IL11RA: variants seen among roughly 807,000 people sequenced by gnomAD.
The protein encoded by IL11RA is interleukin-11 receptor subunit alpha.
IL11RA carries 51 observed loss-of-function variants against 57.0 expected under a neutral mutation model. The ratio of observed to expected loss-of-function variants is 0.89; its 90% CI spans 0.71 to 1.13. The LOEUF (loss-of-function observed/expected upper bound fraction) is 1.13. IL11RA is among the 50% of genes most tolerant of loss of function. IL11RA has a pLI of 0.00. For synonymous variants in IL11RA, 199 were observed against 217.5 expected, an observed-to-expected ratio of 0.91 and a Z score of 0.75; for missense variants, 498 against 539.4, an observed-to-expected ratio of 0.92 and a Z score of 0.76.
chr9:34,654,489 C>T (rs1821304451), intron 1 of IL11RA, among the ~76,000 whole-genome samples: 1 of 151,988 alleles, frequency 6.6e-6, no homozygotes, highest in Non-Finnish European at 1.5e-5. Context: ...GGCTCCTCGC[C>T]CACCCCCAGC....
intron 1 of IL11RA, chr9:34,654,994 C>CGTGTGTGT (rs59679449): frequency 1.4e-4 from 68 of 475,456 alleles, no homozygotes; most frequent in African/African-American, 1.0e-3. Context: ...TGTGTGTGTC[C>CGTGTGTGT]GTGTGTGTGT....
At position 34,661,475 on chromosome 9, in the gene IL11RA, C is replaced by A. The variant is rs769632676; in HGVS notation, c.1253-7C>A. On this transcript the variant is annotated splice_polypyrimidine_tract_variant and splice_region_variant and intron_variant, in intron 12 of 12. Transcript: ENST00000441545. ...GTCTCTCCTGATTTGCCTCCTGCTT[C>A]TTCTAGGAGCTCCAAACCTGTAGAG... The A allele has an allele frequency of 1.2e-6, 2 of 1,613,680 alleles. No individual in the cohort carries two copies. The highest frequency in any genetic ancestry group is 4.5e-5 in the East Asian group (2 of 44,874).
At position 34,661,510 on chromosome 9, in the gene IL11RA, G is replaced by A. The variant is rs755540508; in HGVS notation, c.*12G>A. 1.2e-6 allele frequency: 2 copies of A among 1,613,752 alleles called. No individual in the cohort carries two copies. Among genetic ancestry groups the A allele is most frequent in the Admixed American group, 1.7e-5 (1 of 60,024 alleles). ...CTCCAAACCTGTAGAGGACCCAGGA[G>A]GGCTTCGGCAGATTCCACCTATAAT... On this transcript the variant is annotated 3_prime_UTR_variant, in exon 13 of 13. Transcript: ENST00000441545.
Position 34,655,294 on chromosome 9 carries a change from G to T in IL11RA, c.77G>T (p.Cys26Phe), listed in dbSNP as rs1273020414. ...ATALVSASSPCPQAWGPPGVQ... is the reference protein window; with the variant it reads ...ATALVSASSPFPQAWGPPGVQ... ...GCCCTGGTGTCTGCCTCCTCCCCCT[G>T]CCCCCAGGCCTGGGGCCCCCCAGGT... Residue 26 changes from cysteine (C) to phenylalanine (F), a missense_variant, in exon 2 of 13, where the codon TGC (cysteine) becomes TTC (phenylalanine). Coordinates refer to ENST00000441545, the MANE Select transcript of IL11RA (RefSeq NM_001142784.3). 1.9e-6 allele frequency: 3 copies of T among 1,609,412 alleles called. No homozygotes were observed. The highest frequency in any genetic ancestry group is 4.5e-5 in the East Asian group (2 of 44,726).
intron 9 of IL11RA, 142 bp downstream of exon 9, chr9:34,660,042 GC>G (rs1454280226): frequency 1.1e-5 from 14 of 1,261,958 alleles, no homozygotes; most frequent in Middle Eastern, 2.1e-4. Flanking sequence ...AGACTTGTTT[GC>G]CTACAGCCCT....
intron 3 of IL11RA, 64 bp from the exon 4 acceptor site, chr9:34,656,675 T>C (rs1821348435): frequency 1.3e-6 from 2 of 1,574,758 alleles, no homozygotes; most frequent in South Asian, 1.1e-5. Flanking sequence ...TGGAGAGCTG[T>C]GGCATGGTCT....
rs1326272067 is a variant in IL11RA at position 34,656,805 on chromosome 9, G to A, written c.228G>A (p.Gly76=). 1 of 1,614,170 alleles carries A rather than the reference G, an allele frequency of 6.2e-7. No homozygotes were observed. The highest frequency in any genetic ancestry group is 2.2e-5 in the East Asian group (1 of 44,886). The stretch of plus-strand genomic sequence containing the variant: ...TCCAGGGACCTGACTCTGGGCTAGG[G>A]CATGAACTGGTCCTGGCCCAGGCAG... The part of the protein sequence containing the change: ...KLLQGPDSGL[G]HELVLAQADS... The change falls in exon 4 of 13, where the codon GGG becomes GGA. Residue 76 remains glycine (G), a synonymous_variant. Coordinates refer to ENST00000441545, the MANE Select transcript of IL11RA (RefSeq NM_001142784.3).
Position 34,657,342 on chromosome 9 carries a change from C to A in IL11RA, c.479+7C>A. On this transcript the variant is annotated splice_region_variant and intron_variant, in intron 6 of 12. Coordinates refer to ENST00000441545, the MANE Select transcript of IL11RA (RefSeq NM_001142784.3). ...TAGGAGCTGATAGCCAGAGGTAGGA[C>A]GTGAGGGAGCATGTGGGGGCTCCAG... 1 of 1,614,156 alleles carries A rather than the reference C, an allele frequency of 6.2e-7. No homozygotes were observed. Among genetic ancestry groups the A allele is most frequent in the Non-Finnish European group, 8.5e-7 (1 of 1,180,018 alleles).
In IL11RA at chr9:34,657,536, A is replaced by G. The variant is rs1439552444; in HGVS notation, c.595A>G (p.Asn199Asp). The stretch of plus-strand genomic sequence containing the variant: ...GTACCGGATTAATGTGACTGAGGTG[A>G]ACCCACTGGGTGCCAGCACACGCCT... ...SQYRINVTEV[N>D]PLGASTRLLD... The change falls in exon 7 of 13, where the codon AAC (asparagine) becomes GAC (aspartate). Residue 199 changes from asparagine to aspartate, a missense_variant. Coordinates refer to ENST00000441545, the MANE Select transcript of IL11RA (RefSeq NM_001142784.3). 6.2e-7 allele frequency: 1 copy of G among 1,614,170 alleles called. No homozygotes were observed. Among genetic ancestry groups the G allele is most frequent in the Non-Finnish European group, 8.5e-7 (1 of 1,180,028 alleles).
chr9:34,654,808 C>T (rs905179808), intron 1 of IL11RA, among the ~76,000 whole-genome samples: 1 of 152,122 alleles, frequency 6.6e-6, no homozygotes, highest in Admixed American at 6.5e-5. Context: ...GGGTAAATAC[C>T]AGAATTCCCA....
At position 34,658,408 on chromosome 9, in the gene IL11RA, T is replaced by C; in HGVS notation, c.647-112T>C. ...GGATGATCAAGTTTAAGATTTCCCC[T>C]CCCCTCTCAGGAGTGTCTGGCTAAG... On this transcript the variant is annotated intron_variant, in intron 7 of 12. Transcript: ENST00000441545. This position sits in a 1 kb window ranked among gnomAD's most constrained non-coding sequence, Gnocchi z 4.0. 1 of 1,079,414 alleles carries C rather than the reference T, an allele frequency of 9.3e-7. No individual in the cohort carries two copies. The highest frequency in any genetic ancestry group is 1.4e-6 in the Non-Finnish European group (1 of 698,654). 66.9% of individuals were successfully genotyped at this position (1,079,414 alleles called of 1,614,324 possible). A position where few individuals can be genotyped will look rare whatever the true frequency, so the allele number is the denominator to read the frequency against.
chr9:34,661,045 A>G (rs925259755), intron 12 of IL11RA, 109 bp downstream of exon 12: 5 of 906,074 alleles, frequency 5.5e-6, no homozygotes, highest in African/African-American at 3.3e-5. Context: ...TGGGAATCCA[A>G]GTTGGGTCTC....
At position 34,655,658 on chromosome 9, in the gene IL11RA, A is replaced by G; in HGVS notation, c.154A>G (p.Thr52Ala). Reference sequence around the variant, plus strand: ...CGTGAAGCTGTGTTGTCCTGGAGTGACTGCCGGGTAAGTGCCCCACCTGCC... The same window carrying G: ...CGTGAAGCTGTGTTGTCCTGGAGTGGCTGCCGGGTAAGTGCCCCACCTGCC... Reference protein sequence around the residue: ...RSVKLCCPGVTAGDPVSWFRD... With the variant: ...RSVKLCCPGVAAGDPVSWFRD... Residue 52 changes from threonine to alanine, a missense_variant, in exon 3 of 13, where the codon ACT (threonine) becomes GCT (alanine). By Grantham distance (58) the Thr-to-Ala change is moderately conservative. Coordinates refer to ENST00000441545, the MANE Select transcript of IL11RA (RefSeq NM_001142784.3). The G allele has an allele frequency of 6.2e-7, 1 of 1,614,036 alleles. No homozygotes were observed. The highest frequency in any genetic ancestry group is 1.1e-5 in the South Asian group (1 of 91,058).
At chr9:34,655,794 C>T (rs979581351) in intron 3 of IL11RA, 129 bp downstream of exon 3, 24 of 790,438 alleles carry the variant, frequency 3.0e-5, no homozygotes, top group East Asian at 2.1e-4. Flanking sequence ...CTGTCCTAAC[C>T]GTCTAACTAT....
At chr9:34,655,116 A>G in intron 1 of IL11RA, 102 bp from the exon 2 acceptor site, 2 of 804,288 alleles carry the variant, frequency 2.5e-6, no homozygotes, top group Non-Finnish European at 4.3e-6. Context: ...CACTTGGTGC[A>G]TCAATTTTTC....
At chr9:34,652,816 C>G (rs543661708) in intron 1 of IL11RA, among the ~76,000 whole-genome samples, 1 of 152,160 alleles carries the variant, frequency 6.6e-6, no homozygotes, top group Non-Finnish European at 1.5e-5. Flanking sequence ...CCACAACACA[C>G]GTGGCTTCCC....
Position 34,660,375 on chromosome 9 carries a change from C to T in IL11RA, c.1054C>T (p.Pro352Ser), listed in dbSNP as rs1821431295. ...TGCTCCTCCAAGGCCCTCCCTCCAA[C>T]CACACCCTCGGCTACTTGGTGAGCT... ...SPAPPRPSLQ[P>S]HPRLLDHRDS... The change falls in exon 10 of 13, where the codon CCA (proline) becomes TCA (serine). Residue 352 changes from proline (P) to serine (S), a missense_variant. Pro to Ser is a moderately conservative substitution (Grantham distance 74). Coordinates refer to ENST00000441545, the MANE Select transcript of IL11RA (RefSeq NM_001142784.3). 1 of 1,614,042 alleles carries T rather than the reference C, an allele frequency of 6.2e-7. No homozygotes were observed. The highest frequency in any genetic ancestry group is 1.3e-5 in the African/African-American group (1 of 74,948).
At position 34,657,340 on chromosome 9, in the gene IL11RA, G is replaced by C; in HGVS notation, c.479+5G>C. 6.2e-7 allele frequency: 1 copy of C among 1,614,150 alleles called. No homozygotes were observed. The highest frequency in any genetic ancestry group is 8.5e-7 in the Non-Finnish European group (1 of 1,180,006). On this transcript the variant is annotated splice_donor_5th_base_variant and intron_variant, in intron 6 of 12. Coordinates refer to ENST00000441545, the MANE Select transcript of IL11RA (RefSeq NM_001142784.3). The stretch of plus-strand genomic sequence containing the variant: ...CCTAGGAGCTGATAGCCAGAGGTAG[G>C]ACGTGAGGGAGCATGTGGGGGCTCC...
Position 34,655,645 on chromosome 9 carries a change from T to G in IL11RA, c.141T>G (p.Cys47Trp), listed in dbSNP as rs560910766. 1.7e-5 allele frequency: 28 copies of G among 1,614,150 alleles called. No homozygotes were observed. The South Asian group carries it at 3.0e-4, about 17-fold the overall frequency. Residue 47 changes from cysteine (C) to tryptophan (W), a missense_variant, in exon 3 of 13, where the codon TGT (cysteine) becomes TGG (tryptophan). Transcript: ENST00000441545. ...YGQPGRSVKL[C>W]CPGVTAGDPV... ...AGCCAGGCAGGTCCGTGAAGCTGTG[T>G]TGTCCTGGAGTGACTGCCGGGTAAG... is the stretch of plus-strand genomic sequence containing the variant.
Sources: allele counts gnomAD v4.1 joint callset (sites outside exome capture counted in the v4.1 genomes callset), GRCh38; gene constraint gnomAD v4.1.1; non-coding constraint Gnocchi (gnomAD v3.1); transcripts MANE v1.5; gene names NCBI Gene and HGNC (gene_info 2026-07-23, HGNC 2026-07-21).